NRG1: variants seen among roughly 807,000 people sequenced by gnomAD.
NRG1 encodes the protein neuregulin 1.
NRG1 carries 18 observed loss-of-function variants against 63.8 expected under a neutral mutation model. That is an observed-to-expected ratio of 0.28 (90% confidence interval 0.19 to 0.42). NRG1 has a LOEUF of 0.42. NRG1 is among the 10% of genes least tolerant of loss of function. The pLI, the probability that NRG1 is intolerant of heterozygous loss-of-function variation, is 1.00. For synonymous variants in NRG1, 302 were observed against 301.3 expected (o/e 1.00, Z -0.02); for missense variants, 762 against 814.7 (o/e 0.94, Z 0.79).
Position 32,396,965 on chromosome 8 carries a change from C to T in NRG1, c.38-198863C>T, listed in dbSNP as rs117593949. On this transcript the variant is annotated intron_variant, in intron 1 of 10. Transcript: ENST00000519301. ...ACTCACCTTAAAATTCTTGTAGCCTCTATCCATTTCCCAATTCCGAAGCCA... is the reference window on the plus strand; with the variant it reads ...ACTCACCTTAAAATTCTTGTAGCCTTTATCCATTTCCCAATTCCGAAGCCA... 4.4e-3 allele frequency among the ~76,000 whole-genome samples: 671 copies of T among 152,276 alleles called. 2 individuals carry two copies. The highest frequency in any genetic ancestry group is 6.1e-3 in the Non-Finnish European group (413 of 68,020).
intron 1 of NRG1, among the ~76,000 whole-genome samples, chr8:31,761,834 G>A (rs1817591517): frequency 6.6e-6 from 1 of 152,098 alleles, no homozygotes; most frequent in African/African-American, 2.4e-5. Context: ...ACATGCTGTT[G>A]GAAAAATGAT....
chr8:32,217,477 G>A (rs1156457223), intron 1 of NRG1, among the ~76,000 whole-genome samples: 2 of 152,050 alleles, frequency 1.3e-5, no homozygotes, highest in South Asian at 2.1e-4. Context: ...TCCCCTGGAA[G>A]AGTTTACTTA....
At chr8:32,217,637 C>T (rs545680071) in intron 1 of NRG1, among the ~76,000 whole-genome samples, 7 of 152,170 alleles carry the variant, frequency 4.6e-5, no homozygotes, top group South Asian at 2.1e-4. Flanking sequence ...GGGAAGAAAT[C>T]GGGTGAAAAA....
chr8:32,162,179 T>G (rs56115118), intron 1 of NRG1, among the ~76,000 whole-genome samples: 3,025 of 152,338 alleles, frequency 0.02, 50 homozygotes, highest in African/African-American at 0.04. Context: ...ATGGCAAGAC[T>G]TCTCTTTATA....
intron 1 of NRG1, among the ~76,000 whole-genome samples, chr8:32,185,951 G>A (rs1353770377): frequency 6.6e-6 from 1 of 152,128 alleles, no homozygotes; most frequent in Admixed American, 6.5e-5. Flanking sequence ...TCTTCAGACA[G>A]ATTTTCAAAA....
At position 32,662,440 on chromosome 8, in the gene NRG1, G is replaced by T. The variant is rs556948379; in HGVS notation, c.502+45555G>T. On this transcript the variant is annotated intron_variant, in intron 5 of 11. Coordinates refer to ENST00000356819, the Ensembl canonical transcript of NRG1. ...CAGGGAAGCATGCCATTCATTGTAA[G>T]AATGATGGCTTTTCCACCGAAAGAG... 3.3e-5 allele frequency among the ~76,000 whole-genome samples: 5 copies of T among 152,276 alleles called. No individual in the cohort carries two copies. In the South Asian group the frequency reaches 1.0e-3, roughly 32 times the overall value.
At position 32,266,479 on chromosome 8, in the gene NRG1, C is replaced by G. The variant is rs373120263; in HGVS notation, c.38-329349C>G. On this transcript the variant is annotated intron_variant, in intron 1 of 10. Transcript: ENST00000519301. ...ATTTTCCCAAACTGTCATGGATTTTCTATCTAAGGAAGATGAGTTCCTTAG... is the reference window on the plus strand; with the variant it reads ...ATTTTCCCAAACTGTCATGGATTTTGTATCTAAGGAAGATGAGTTCCTTAG... Among the ~76,000 whole-genome samples the G allele has an allele frequency of 4.6e-5, 7 of 152,146 alleles. 1 individual carries two copies. The East Asian group carries it at 1.3e-3, about 29-fold the overall frequency.
chr8:31,775,213 G>T (rs879456142), intron 1 of NRG1, among the ~76,000 whole-genome samples: 1 of 152,200 alleles, frequency 6.6e-6, no homozygotes, highest in Non-Finnish European at 1.5e-5. Flanking sequence ...CATCATGGAG[G>T]ACTGGATAAG....
intron 1 of NRG1, among the ~76,000 whole-genome samples, chr8:32,175,406 CT>C (rs1290376982): frequency 6.6e-6 from 1 of 152,152 alleles, no homozygotes; most frequent in Non-Finnish European, 1.5e-5. Flanking sequence ...GAAGCATTCC[CT>C]TTGAAAACTG....
chr8:32,201,778 G>A (rs559971856), intron 1 of NRG1, among the ~76,000 whole-genome samples: 7 of 152,206 alleles, frequency 4.6e-5, no homozygotes, highest in Middle Eastern at 3.4e-3. Context: ...TGTCAAATAC[G>A]TCAAACTCAA....
At position 32,533,450 on chromosome 8, in the gene NRG1, A is replaced by C. The variant is rs144214380; in HGVS notation, c.38-62378A>C. Among the ~76,000 whole-genome samples, 19 of 152,180 alleles carry C rather than the reference A, an allele frequency of 1.2e-4. No individual in the cohort carries two copies. In the East Asian group the frequency reaches 3.3e-3, roughly 26 times the overall value. ...TTTTTAGATTAATTTATTTTAGTCA[A>C]TTTAATTTTAATAATTACCTCAACT... On this transcript the variant is annotated intron_variant, in intron 1 of 10. Transcript: ENST00000519301.
intron 1 of NRG1, among the ~76,000 whole-genome samples, chr8:31,811,448 G>A (rs918847977): frequency 6.6e-6 from 1 of 152,050 alleles, no homozygotes; most frequent in Non-Finnish European, 1.5e-5. Context: ...TCCCCGATGT[G>A]CCATGCACTT....
At chr8:31,911,082 G>A (rs1365480333) in intron 1 of NRG1, among the ~76,000 whole-genome samples, 2 of 152,162 alleles carry the variant, frequency 1.3e-5, no homozygotes, top group Non-Finnish European at 2.9e-5. Context: ...CAAAAGTGCA[G>A]CACGTGAGCC....
At chr8:32,475,395 G>A (rs557035972) in intron 1 of NRG1, among the ~76,000 whole-genome samples, 7 of 142,316 alleles carry the variant, frequency 4.9e-5, no homozygotes, top group Admixed American at 4.5e-4. Flanking sequence ...AAGCCGGGAG[G>A]TGGAGGTTGC....
At chr8:31,717,820 G>A (rs1812510698) in intron 1 of NRG1, among the ~76,000 whole-genome samples, 1 of 152,042 alleles carries the variant, frequency 6.6e-6, no homozygotes, top group African/African-American at 2.4e-5. Flanking sequence ...TGTTGGTGAT[G>A]ATACTTTTCA....
chr8:32,765,997 G>A (rs190687959), exon 12 of NRG1: 5 of 152,268 alleles, frequency 3.3e-5, no homozygotes, highest in African/African-American at 1.2e-4. Flanking sequence ...CAGGGCTGGA[G>A]CTTTACTTAG....
At chr8:31,962,118 T>C (rs1483563323) in intron 1 of NRG1, among the ~76,000 whole-genome samples, 1 of 152,082 alleles carries the variant, frequency 6.6e-6, no homozygotes, top group Non-Finnish European at 1.5e-5. Flanking sequence ...AGGAAATAAG[T>C]GGTTATAATT....
intron 1 of NRG1, among the ~76,000 whole-genome samples, chr8:32,031,898 C>T (rs544165875): frequency 2.8e-4 from 43 of 152,176 alleles, no homozygotes; most frequent in African/African-American, 7.7e-4. Context: ...TCTTTGCTAT[C>T]GTGACTAGTG....
intron 1 of NRG1, among the ~76,000 whole-genome samples, chr8:31,928,352 TAAAAAAAAAAAAA>T (rs77001238): frequency 3.7e-5 from 3 of 80,116 alleles, no homozygotes; most frequent in African/African-American, 9.9e-5. Context: ...ATGGATGTGG[TAAAAAAAAAAAAA>T]AAAAAAAAAA....
Sources: gnomAD v4.1 joint callset for allele counts (sites outside exome capture counted in the v4.1 genomes callset) on GRCh38, gnomAD v4.1.1 for gene constraint, MANE v1.5 for transcripts, NCBI Gene and HGNC (gene_info 2026-07-23, HGNC 2026-07-21) for gene names.